The following KCND2 variants were observed in gnomAD, a reference collection of about 807,000 sequenced individuals.
KCND2 encodes potassium voltage-gated channel subfamily D member 2.
Under a neutral mutation model 54.4 loss-of-function variants are expected in KCND2, and 16 were observed. That is an observed-to-expected ratio of 0.29 (90% CI 0.20 to 0.45). The LOEUF is 0.45. KCND2 is among the 20% of genes least tolerant of loss of function. The pLI is 1.00. For missense variants in KCND2, 486 were observed against 824.2 expected, an observed-to-expected ratio of 0.59 and a Z score of 5.02; for synonymous variants, 317 against 310.7, an observed-to-expected ratio of 1.02 and a Z score of -0.21.
At chr7:120,541,317 T>A (rs1238198402) in intron 1 of KCND2, among the ~76,000 whole-genome samples, 2 of 152,144 alleles carry the variant, frequency 1.3e-5, no homozygotes, top group Non-Finnish European at 2.9e-5. Context: ...TCACTGATAA[T>A]CAGAAACAAC....
chr7:120,274,649 C>T lies in KCND2; in HGVS notation c.17C>T (p.Ala6Val). Residue 6 changes from alanine to valine, a missense_variant, in exon 1 of 6, where the codon GCA becomes GTA. By Grantham distance (64) the Ala-to-Val change is moderately conservative. This residue lies in a region of KCND2 where 231 missense variants were observed against 386.0 expected (regional missense o/e 0.60). Coordinates refer to ENST00000331113, the MANE Select transcript of KCND2 (RefSeq NM_012281.3). ...CAAGTAATCATGGCGGCGGGGGTGG[C>T]AGCGTGGCTGCCTTTTGCAAGGGCA... MAAGV[A>V]AWLPFARAAA... 6.2e-7 allele frequency: 1 copy of T among 1,614,068 alleles called. No homozygotes were observed.
chr7:120,579,583 G>A (rs577988443), intron 1 of KCND2, among the ~76,000 whole-genome samples: 18 of 146,904 alleles, frequency 1.2e-4, no homozygotes, highest in Admixed American at 7.0e-4. Flanking sequence ...GCCTGGAGAC[G>A]GGGCGAGACT....
chr7:120,361,494 C>T lies in KCND2; in HGVS notation c.1115+85747C>T, dbSNP rs192209973. Reference sequence around the variant, plus strand: ...CCTACATTAAATTTTCAATAAATCACCTTCCTGTGCTTAGAAGGGCAATTT... The same window carrying T: ...CCTACATTAAATTTTCAATAAATCATCTTCCTGTGCTTAGAAGGGCAATTT... On this transcript the variant is annotated intron_variant, in intron 1 of 5. Transcript: ENST00000331113. 7.2e-5 allele frequency among the ~76,000 whole-genome samples: 11 copies of T among 151,946 alleles called. No homozygotes were observed. In the East Asian group the frequency reaches 1.9e-3, roughly 27 times the overall value.
At chr7:120,556,680 A>G (rs1792170303) in intron 1 of KCND2, among the ~76,000 whole-genome samples, 1 of 152,200 alleles carries the variant, frequency 6.6e-6, no homozygotes, top group South Asian at 2.1e-4. Flanking sequence ...CTACTAAGAC[A>G]CAAGTTGTGA....
At chr7:120,547,956 G>T (rs1218637664) in intron 1 of KCND2, among the ~76,000 whole-genome samples, 1 of 152,002 alleles carries the variant, frequency 6.6e-6, no homozygotes, top group Non-Finnish European at 1.5e-5. Flanking sequence ...CTCAGAGTCT[G>T]TCACAAACAT....
At chr7:120,491,141 G>T (rs1020138013) in intron 1 of KCND2, among the ~76,000 whole-genome samples, 1 of 152,104 alleles carries the variant, frequency 6.6e-6, no homozygotes, top group African/African-American at 2.4e-5. Flanking sequence ...TGATCAGATA[G>T]ATTTACAGTT....
intron 1 of KCND2, among the ~76,000 whole-genome samples, chr7:120,394,381 G>A (rs1801122547): frequency 6.6e-6 from 1 of 151,844 alleles, no homozygotes; most frequent in African/African-American, 2.4e-5. Context: ...AGTCCTGATG[G>A]GGTCAGCCTG....
intron 1 of KCND2, among the ~76,000 whole-genome samples, chr7:120,640,661 G>A (rs1793360522): frequency 6.6e-6 from 1 of 152,004 alleles, no homozygotes; most frequent in Non-Finnish European, 1.5e-5. Flanking sequence ...GTTTTAGTAA[G>A]TTTCTTACTT....
At chr7:120,680,548 CT>C (rs1185835213) in intron 1 of KCND2, among the ~76,000 whole-genome samples, 1 of 152,104 alleles carries the variant, frequency 6.6e-6, no homozygotes, top group Non-Finnish European at 1.5e-5. Context: ...TAAATGGGAT[CT>C]TTGATCAGAT....
At chr7:120,536,582 T>C (rs939428555) in intron 1 of KCND2, among the ~76,000 whole-genome samples, 2 of 152,232 alleles carry the variant, frequency 1.3e-5, no homozygotes, top group African/African-American at 4.8e-5. Context: ...CTAAAGCCTT[T>C]GTTGTCATTG....
intron 1 of KCND2, among the ~76,000 whole-genome samples, chr7:120,590,001 C>A (rs544902917): frequency 1.3e-5 from 2 of 152,148 alleles, no homozygotes; most frequent in East Asian, 3.9e-4. Flanking sequence ...TCGTTATTTC[C>A]TTTTTTTGTT....
intron 1 of KCND2, among the ~76,000 whole-genome samples, chr7:120,491,913 T>C (rs1802788713): frequency 6.6e-6 from 1 of 152,148 alleles, no homozygotes; most frequent in African/African-American, 2.4e-5. Flanking sequence ...TATGCAACAA[T>C]AACATTTTTA....
chr7:120,353,785 C>A (rs867220692), intron 1 of KCND2, among the ~76,000 whole-genome samples: 7 of 151,994 alleles, frequency 4.6e-5, no homozygotes, highest in Admixed American at 6.6e-5. Context: ...ACATTGTTTG[C>A]CTTTTTCATT....
chr7:120,360,096 C>A (rs1800572098), intron 1 of KCND2, among the ~76,000 whole-genome samples: 1 of 151,982 alleles, frequency 6.6e-6, no homozygotes, highest in African/African-American at 2.4e-5. Flanking sequence ...ATAGCTTTTT[C>A]TTTTGGAGGC....
At chr7:120,534,582 A>G (rs927277675) in intron 1 of KCND2, among the ~76,000 whole-genome samples, 3 of 152,142 alleles carry the variant, frequency 2.0e-5, no homozygotes, top group Non-Finnish European at 4.4e-5. Context: ...TGCATTAGGG[A>G]AAATTAACTA....
chr7:120,509,368 G>C (rs895704109), intron 1 of KCND2, among the ~76,000 whole-genome samples: 3 of 151,974 alleles, frequency 2.0e-5, no homozygotes, highest in African/African-American at 7.2e-5. Flanking sequence ...AACTGGGTTT[G>C]GGGTATATAT....
intron 1 of KCND2, among the ~76,000 whole-genome samples, chr7:120,470,538 C>T (rs2116259236): frequency 6.6e-6 from 1 of 152,188 alleles, no homozygotes; most frequent in East Asian, 1.9e-4. Flanking sequence ...TGTTCTCCTC[C>T]TCCCAGAGTT....
At chr7:120,681,017 G>T (rs996953357) in intron 1 of KCND2, among the ~76,000 whole-genome samples, 2 of 152,004 alleles carry the variant, frequency 1.3e-5, no homozygotes, top group African/African-American at 4.8e-5. Flanking sequence ...TCTTTAAGGA[G>T]AATTCCTGTA....
chr7:120,726,927 G>A (rs138904045), intron 1 of KCND2, among the ~76,000 whole-genome samples: 1,658 of 152,190 alleles, frequency 0.011, 24 homozygotes, highest in African/African-American at 0.032. Flanking sequence ...AAGCATCAAG[G>A]TTTATTTTAA....
Sources: allele counts gnomAD v4.1 joint callset (sites outside exome capture counted in the v4.1 genomes callset), GRCh38; gene constraint gnomAD v4.1.1; regional missense constraint gnomAD v4.1.1; transcripts MANE v1.5; gene names NCBI Gene and HGNC (gene_info 2026-07-23, HGNC 2026-07-21).